EFL1: variants seen among roughly 807,000 people sequenced by gnomAD.
EFL1 encodes elongation factor like GTPase 1, also known as elongation factor-like GTPase 1.
In EFL1, 76 loss-of-function variants were observed where a neutral mutation model predicts 126.7. The ratio of observed to expected loss-of-function variants is 0.60; its 90% confidence interval spans 0.50 to 0.73. The LOEUF is 0.73. EFL1 is among the 30% of genes least tolerant of loss of function. The pLI, the probability that EFL1 is intolerant of heterozygous loss-of-function variation, is 0.00. For synonymous variants in EFL1, 410 were observed against 448.4 expected (o/e 0.91, Z 1.08); for missense variants, 1,128 against 1,343.2 (o/e 0.84, Z 2.50).
At chr15:82,135,278 A>C (rs2073708431) in intron 19 of EFL1, among the ~76,000 whole-genome samples, 1 of 151,858 alleles carries the variant, frequency 6.6e-6, no homozygotes, top group Non-Finnish European at 1.5e-5. Flanking sequence ...AAAGTATTAC[A>C]TGTATAAGAT....
chr15:82,151,487 G>A lies in EFL1; in HGVS notation c.2967C>T (p.Ile989=), dbSNP rs189569278. The A allele has an allele frequency of 3.1e-6, 5 of 1,610,726 alleles. No homozygotes were observed. The highest frequency in any genetic ancestry group is 2.2e-5 in the South Asian group (2 of 90,384). The change falls in exon 18 of 20, where the codon ATC becomes ATT. Residue 989 remains isoleucine, a synonymous_variant. Coordinates refer to ENST00000268206, the MANE Select transcript of EFL1 (RefSeq NM_024580.6). ...TACCGAGAACATCACCAGTGGCCAT[G>A]ATGTCACATGTGTACATAGCTGCCA... ...RLMAAMYTCD[I]MATGDVLGRV...
chr15:82,174,019 C>T (rs916149348), intron 15 of EFL1, among the ~76,000 whole-genome samples: 15 of 152,020 alleles, frequency 9.9e-5, no homozygotes, highest in African/African-American at 2.9e-4. Flanking sequence ...GAAACCCTGC[C>T]TCTACTAAAA....
At chr15:82,201,430 C>T (rs2074466587) in intron 15 of EFL1, among the ~76,000 whole-genome samples, 1 of 152,126 alleles carries the variant, frequency 6.6e-6, no homozygotes, top group African/African-American at 2.4e-5. Flanking sequence ...CAGAAAAAGG[C>T]CAAGTGTTTT....
chr15:82,186,893 C>T (rs2074309516), intron 15 of EFL1, among the ~76,000 whole-genome samples: 1 of 152,124 alleles, frequency 6.6e-6, no homozygotes, highest in South Asian at 2.1e-4. Flanking sequence ...CATCTCAGCG[C>T]CTCAATAATT....
intron 4 of EFL1, among the ~76,000 whole-genome samples, chr15:82,251,935 G>C (rs2075025630): frequency 6.6e-6 from 1 of 152,180 alleles, no homozygotes; most frequent in Admixed American, 6.5e-5. Context: ...CCTGCAGAGA[G>C]CTACTGTTAA....
intron 15 of EFL1, among the ~76,000 whole-genome samples, chr15:82,211,579 CACTAGACACATACTAG>C (rs2074588715): frequency 3.2e-5 from 4 of 123,234 alleles, no homozygotes; most frequent in African/African-American, 3.4e-5. Flanking sequence ...CACACACACA[CACTAGACACATACTAG>C]ACACACACAC....
chr15:82,189,145 C>T (rs979045173), intron 15 of EFL1, among the ~76,000 whole-genome samples: 3 of 152,034 alleles, frequency 2.0e-5, no homozygotes, highest in African/African-American at 7.2e-5. Context: ...GTTACTGTAC[C>T]GAGTACTATA....
chr15:82,192,749 C>T (rs368485191), intron 15 of EFL1, among the ~76,000 whole-genome samples: 341 of 152,218 alleles, frequency 2.2e-3, no homozygotes, highest in African/African-American at 7.7e-3. Flanking sequence ...ACACTCATAG[C>T]ACAGTGGCTC....
intron 15 of EFL1, among the ~76,000 whole-genome samples, chr15:82,192,271 G>C (rs897135878): frequency 6.6e-6 from 1 of 151,904 alleles, no homozygotes; most frequent in African/African-American, 2.4e-5. Flanking sequence ...GTGGTGATGG[G>C]TGCTTGTAAT....
At chr15:82,203,857 T>C (rs956184755) in intron 15 of EFL1, among the ~76,000 whole-genome samples, 1 of 152,244 alleles carries the variant, frequency 6.6e-6, no homozygotes, top group African/African-American at 2.4e-5. Context: ...ATATTTAGGG[T>C]GTGTCCCTTT....
intron 3 of EFL1, among the ~76,000 whole-genome samples, chr15:82,258,283 G>A (rs1266546308): frequency 6.6e-6 from 1 of 152,112 alleles, no homozygotes; most frequent in Non-Finnish European, 1.5e-5. Context: ...TTCAGGCTAG[G>A]TGTGGTGACT....
intron 15 of EFL1, among the ~76,000 whole-genome samples, chr15:82,204,806 T>C (rs1893584626): frequency 1.3e-5 from 2 of 152,250 alleles, no homozygotes; most frequent in African/African-American, 4.8e-5. Context: ...CTGGCCTCTC[T>C]GGCCTGCCCA....
At chr15:82,138,436 G>A (rs1272739057) in intron 19 of EFL1, among the ~76,000 whole-genome samples, 14 of 151,416 alleles carry the variant, frequency 9.2e-5, no homozygotes, top group Non-Finnish European at 1.3e-4. Context: ...GTGTATGTGT[G>A]TGTGTGTGTG....
At chr15:82,237,069 G>A (rs1324720345) in intron 7 of EFL1, among the ~76,000 whole-genome samples, 2 of 152,172 alleles carry the variant, frequency 1.3e-5, no homozygotes, top group Non-Finnish European at 2.9e-5. Context: ...CTTGAACCTG[G>A]GAGGCGGAGG....
chr15:82,222,978 A>G (rs866889283), intron 12 of EFL1, among the ~76,000 whole-genome samples: 4 of 152,226 alleles, frequency 2.6e-5, no homozygotes, highest in African/African-American at 4.8e-5. Context: ...GTCCTGTAAC[A>G]GTCCCACACT....
intron 15 of EFL1, among the ~76,000 whole-genome samples, chr15:82,188,965 G>C (rs2074329983): frequency 6.9e-6 from 1 of 144,018 alleles, no homozygotes; most frequent in African/African-American, 2.6e-5. Flanking sequence ...TACAAATACA[G>C]TCATGCATCG....
At chr15:82,223,387 A>C (rs560894645) in intron 12 of EFL1, among the ~76,000 whole-genome samples, 16 of 152,232 alleles carry the variant, frequency 1.1e-4, no homozygotes, top group South Asian at 4.1e-4. Context: ...TGGTTAAAAA[A>C]CAATGACAAA....
chr15:82,153,311 G>A (rs931632146), intron 17 of EFL1, among the ~76,000 whole-genome samples: 8 of 151,898 alleles, frequency 5.3e-5, no homozygotes, highest in African/African-American at 9.7e-5. Flanking sequence ...AGATGGACCC[G>A]ACATTGTATG....
chr15:82,224,716 C>T (rs2074743940), intron 12 of EFL1, among the ~76,000 whole-genome samples: 1 of 152,156 alleles, frequency 6.6e-6, no homozygotes, highest in Non-Finnish European at 1.5e-5. Flanking sequence ...GACACAGATT[C>T]CCCAAGACTC....
Sources: allele counts gnomAD v4.1 joint callset (sites outside exome capture counted in the v4.1 genomes callset), GRCh38; gene constraint gnomAD v4.1.1; transcripts MANE v1.5; gene names NCBI Gene and HGNC (gene_info 2026-07-23, HGNC 2026-07-21).